Variants in DLC1 observed in about 807,000 individuals in gnomAD.
DLC1 encodes the protein rho GTPase-activating protein 7.
A neutral mutation model predicts 140.3 loss-of-function variants in DLC1; 54 were observed. The ratio of observed to expected loss-of-function variants is 0.38; its 90% CI spans 0.31 to 0.48. The LOEUF (loss-of-function observed/expected upper bound fraction) is 0.48. Ranked by LOEUF, DLC1 falls within the 20% of genes least tolerant of loss-of-function variation. DLC1 has a pLI of 0.96. For missense variants in DLC1, 2,536 were observed against 1,907.0 expected (o/e 1.33, Z -6.14); for synonymous variants, 986 against 728.1 (o/e 1.35, Z -5.70).
intron 1 of DLC1, among the ~76,000 whole-genome samples, chr8:13,590,690 G>C (rs1805488329): frequency 6.6e-6 from 1 of 151,882 alleles, no homozygotes; most frequent in Non-Finnish European, 1.5e-5. Context: ...CCAAAAATTT[G>C]CAGTTTATAT....
chr8:13,461,543 C>T (rs115773936), intron 2 of DLC1, among the ~76,000 whole-genome samples: 276 of 152,206 alleles, frequency 1.8e-3, no homozygotes, highest in African/African-American at 6.5e-3. Context: ...AGTTTATCTT[C>T]TGTAGTTTTT....
intron 5 of DLC1, among the ~76,000 whole-genome samples, chr8:13,281,723 A>G (rs1831372396): frequency 6.6e-6 from 1 of 152,180 alleles, no homozygotes; most frequent in African/African-American, 2.4e-5. Flanking sequence ...GAATATATCT[A>G]TATGGGAAGA....
intron 2 of DLC1, among the ~76,000 whole-genome samples, chr8:13,489,391 T>A (rs1801128322): frequency 1.6e-5 from 1 of 62,586 alleles, no homozygotes; most frequent in African/African-American, 6.0e-5. Flanking sequence ...ATTAGGGCAA[T>A]TTAGTAAAAC....
intron 1 of DLC1, among the ~76,000 whole-genome samples, chr8:13,603,175 C>T (rs943174726): frequency 5.3e-5 from 8 of 151,746 alleles, no homozygotes; most frequent in Admixed American, 3.3e-4. Context: ...ATAATGCTGG[C>T]TTTTACTGTC....
At chr8:13,104,636 C>G (rs926401816) in intron 7 of DLC1, among the ~76,000 whole-genome samples, 1 of 152,196 alleles carries the variant, frequency 6.6e-6, no homozygotes, top group Non-Finnish European at 1.5e-5. Context: ...TTCCTGGGAA[C>G]CGTGAGACCT....
At chr8:13,403,589 G>T (rs372422714) in intron 2 of DLC1, among the ~76,000 whole-genome samples, 7 of 152,072 alleles carry the variant, frequency 4.6e-5, no homozygotes, top group Admixed American at 1.3e-4. Flanking sequence ...CAAAGGAGTG[G>T]TTTAGTACAT....
At chr8:13,134,169 G>A (rs1822377041) in intron 5 of DLC1, among the ~76,000 whole-genome samples, 1 of 152,246 alleles carries the variant, frequency 6.6e-6, no homozygotes, top group African/African-American at 2.4e-5. Context: ...GAAGCCTAAT[G>A]TGAAGGGATC....
intron 2 of DLC1, among the ~76,000 whole-genome samples, chr8:13,478,111 G>T (rs1371551605): frequency 6.6e-6 from 1 of 152,136 alleles, no homozygotes; most frequent in Admixed American, 6.6e-5. Flanking sequence ...AAAGAAGAGA[G>T]GTTTAACTGG....
In DLC1 at chr8:13,553,203, CATATATATATATATATATATATATGT is replaced by C. The variant is rs1163932017; in HGVS notation, c.-126+51308_-126+51333del. Among the ~76,000 whole-genome samples the C allele has an allele frequency of 1.5e-4, 10 of 68,026 alleles. No individual in the cohort carries two copies. The East Asian group carries it at 2.7e-3, about 18-fold the overall frequency. The allele number at this position is 68,026 out of a possible 152,430, so 44.6% of individuals were successfully genotyped here. On this transcript the variant is annotated intron_variant, in intron 1 of 1. Transcript: ENST00000631382. ...ATATTGACAAATACCTGCCAGCTGT[CATATATATATATATATATATATATGT>C]ATATATATATATATATATATATGTA...
intron 5 of DLC1, among the ~76,000 whole-genome samples, chr8:13,293,446 T>C (rs10888181): frequency 0.52 from 78,522 of 151,946 alleles, 20,709 homozygotes; most frequent in Non-Finnish European, 0.55. Context: ...AATTAAAAGT[T>C]CATCAAATAT....
chr8:13,100,977 A>G, intron 8 of DLC1: 1 of 507,086 alleles, frequency 2.0e-6, no homozygotes. Context: ...CTGATTCTGA[A>G]CTGCTGACCT....
intron 8 of DLC1, among the ~76,000 whole-genome samples, chr8:13,101,764 G>A (rs1819109430): frequency 6.6e-6 from 1 of 152,160 alleles, no homozygotes; most frequent in Non-Finnish European, 1.5e-5. Flanking sequence ...ACCCAGCCCT[G>A]ACAGCTCGCG....
At chr8:13,155,914 A>G (rs1335698060) in intron 5 of DLC1, among the ~76,000 whole-genome samples, 1 of 152,200 alleles carries the variant, frequency 6.6e-6, no homozygotes, top group Non-Finnish European at 1.5e-5. Context: ...ATTTTTAAAT[A>G]AATGCACTGG....
chr8:13,335,693 T>C (rs1196924187), intron 4 of DLC1, among the ~76,000 whole-genome samples: 1 of 152,196 alleles, frequency 6.6e-6, no homozygotes, highest in African/African-American at 2.4e-5. Flanking sequence ...TTACATATTA[T>C]GCCTTATAGA....
chr8:13,471,435 T>C (rs1479799698), intron 2 of DLC1, among the ~76,000 whole-genome samples: 1 of 149,596 alleles, frequency 6.7e-6, no homozygotes, highest in African/African-American at 2.5e-5. Context: ...GTATATACAA[T>C]TTATGTTGTG....
At chr8:13,224,823 CA>C (rs1828715303) in intron 5 of DLC1, among the ~76,000 whole-genome samples, 1 of 152,176 alleles carries the variant, frequency 6.6e-6, no homozygotes, top group Admixed American at 6.5e-5. Flanking sequence ...ACTCCTCCCA[CA>C]AAGGCCAAGT....
chr8:13,395,981 A>T (rs553822639), intron 3 of DLC1, among the ~76,000 whole-genome samples: 4 of 152,112 alleles, frequency 2.6e-5, no homozygotes, highest in African/African-American at 9.6e-5. Context: ...ATGCATAATC[A>T]TAAGTAGCAG....
chr8:13,270,338 G>C (rs1830880123), intron 5 of DLC1, among the ~76,000 whole-genome samples: 1 of 152,200 alleles, frequency 6.6e-6, no homozygotes, highest in Non-Finnish European at 1.5e-5. Flanking sequence ...AGTCACAGAA[G>C]TCTTGTTGCA....
In DLC1 at chr8:13,401,402, A is replaced by G. The variant is rs894852684; in HGVS notation, c.1173+68T>C. The G allele has an allele frequency of 1.6e-5, 25 of 1,562,950 alleles. No homozygotes were observed. The Admixed American group carries it at 2.8e-4, about 17-fold the overall frequency. On this transcript the variant is annotated intron_variant, in intron 3 of 17. Transcript: ENST00000276297. ...CCATTAACAAGGATGTTGCCTTTGC[A>G]AGAGGGACTGTATAAGGTCAAGAGT...
Sources: gnomAD v4.1 joint callset for allele counts (sites outside exome capture counted in the v4.1 genomes callset) on GRCh38, gnomAD v4.1.1 for gene constraint, MANE v1.5 for transcripts, NCBI Gene and HGNC (gene_info 2026-07-23, HGNC 2026-07-21) for gene names.